Variants in STOX2 observed in about 807,000 individuals in gnomAD.
STOX2 encodes storkhead-box protein 2.
A neutral mutation model predicts 60.9 loss-of-function variants in STOX2; 28 were observed. The observed-to-expected ratio is 0.46, with a 90% CI of 0.34 to 0.63. The LOEUF (loss-of-function observed/expected upper bound fraction) is 0.63. Among genes scored for constraint, STOX2 ranks in the 30% least tolerant of loss-of-function variants. The pLI is 0.01. For synonymous variants in STOX2, 472 were observed against 463.9 expected (o/e 1.02, Z -0.22); for missense variants, 1,024 against 1,187.7 (o/e 0.86, Z 2.03).
In STOX2 at chr4:184,009,135, G is replaced by GTTT. The variant is rs780395991; in HGVS notation, c.320-23_320-22insTTT. On this transcript the variant is annotated intron_variant, in intron 2 of 3. Coordinates refer to ENST00000308497, the MANE Select transcript of STOX2 (RefSeq NM_020225.3). This position sits in a 1 kb window ranked among gnomAD's most constrained non-coding sequence, Gnocchi z 4.0. ...ATGTTCTGTCTTCATTCTCACAAGT[G>GTTT]GTTTTTTTTTTTTTTTTTTCAGGTG... 19 of 1,001,196 alleles carry GTTT rather than the reference G, an allele frequency of 1.9e-5. No individual in the cohort carries two copies. The highest frequency in any genetic ancestry group is 1.8e-4 in the Admixed American group (6 of 32,710). The allele number at this position is 1,001,196 out of a possible 1,614,324, so 62.0% of individuals were successfully genotyped here. A position where few individuals can be genotyped will look rare whatever the true frequency, so the allele number is the denominator to read the frequency against.
chr4:183,839,780 G>A lies in STOX2; in HGVS notation c.364+41725G>A, dbSNP rs1465728055. ...ATGTGAGTTGTTTTGGTTCCCATAA[G>A]TTACATATGGTGATGTGGCACCTAA... On this transcript the variant is annotated intron_variant, in intron 1 of 2. Coordinates refer to the STOX2 transcript ENST00000513034. Among the ~76,000 whole-genome samples, 3 of 152,280 alleles carry A rather than the reference G, an allele frequency of 2.0e-5. No homozygotes were observed. The East Asian group carries it at 5.8e-4, about 29-fold the overall frequency.
chr4:183,811,976 G>A (rs1315145116), intron 1 of STOX2, among the ~76,000 whole-genome samples: 1 of 143,248 alleles, frequency 7.0e-6, no homozygotes, highest in African/African-American at 2.6e-5. Flanking sequence ...CTCTCACCCA[G>A]GCTAGGGTGC....
At chr4:183,917,064 G>C (rs1035626776) in intron 1 of STOX2, among the ~76,000 whole-genome samples, 2 of 152,250 alleles carry the variant, frequency 1.3e-5, no homozygotes, top group Non-Finnish European at 2.9e-5. Flanking sequence ...CGGGTCTGAC[G>C]TGGCTTTGTA....
intron 1 of STOX2, among the ~76,000 whole-genome samples, chr4:183,908,564 A>T (rs1194404729): frequency 6.8e-6 from 1 of 146,468 alleles, no homozygotes; most frequent in East Asian, 2.0e-4. Flanking sequence ...ACTCTGTTTC[A>T]TGATTCAGGC....
intron 1 of STOX2, among the ~76,000 whole-genome samples, chr4:183,807,480 G>T (rs1263054922): frequency 6.6e-6 from 1 of 151,924 alleles, no homozygotes; most frequent in Admixed American, 6.5e-5. Context: ...GAGCCTGCCC[G>T]AGCCGCCAGG....
At chr4:183,835,923 CCTT>C (rs1739697409) in intron 1 of STOX2, among the ~76,000 whole-genome samples, 1 of 152,328 alleles carries the variant, frequency 6.6e-6, no homozygotes, top group Middle Eastern at 3.4e-3. Flanking sequence ...CCATGTTTAA[CCTT>C]CTGAAGGACT....
Position 184,001,657 on chromosome 4 carries a change from T to A in STOX2, c.319+180T>A, listed in dbSNP as rs1733597852. Among the ~76,000 whole-genome samples the A allele has an allele frequency of 6.6e-6, 1 of 152,076 alleles. No individual in the cohort carries two copies. The highest frequency in any genetic ancestry group is 1.5e-5 in the Non-Finnish European group (1 of 68,006). ...CAGGCACCTGCATGACATCAAAAAATAACTTAACTGCTTCAGCTGTAATAC... is the reference window on the plus strand; with the variant it reads ...CAGGCACCTGCATGACATCAAAAAAAAACTTAACTGCTTCAGCTGTAATAC... On this transcript the variant is annotated intron_variant, in intron 2 of 3. Transcript: ENST00000308497. This position sits in a 1 kb window ranked among gnomAD's most constrained non-coding sequence, Gnocchi z 4.2.
chr4:183,909,842 G>A (rs920531026), intron 1 of STOX2, among the ~76,000 whole-genome samples: 1 of 152,206 alleles, frequency 6.6e-6, no homozygotes, highest in African/African-American at 2.4e-5. Flanking sequence ...ATAGCAATAG[G>A]CTTGACATTT....
rs369737237 is a variant in STOX2, at chr4:183,933,533, C to T, written c.166+26577C>T. Reference sequence around the variant, plus strand: ...CCTCCTGAGTAGCTGGGATTACAGGCGCCCGCCACCATGCCAGGCTAACTT... The same window carrying T: ...CCTCCTGAGTAGCTGGGATTACAGGTGCCCGCCACCATGCCAGGCTAACTT... On this transcript the variant is annotated intron_variant, in intron 1 of 3. Coordinates refer to ENST00000308497, the MANE Select transcript of STOX2 (RefSeq NM_020225.3). Among the ~76,000 whole-genome samples the T allele has an allele frequency of 7.5e-4, 114 of 152,162 alleles. No homozygotes were observed. In the East Asian group the frequency reaches 8.9e-3, roughly 12 times the overall value.
chr4:183,862,981 C>G (rs1369520954), intron 1 of STOX2, among the ~76,000 whole-genome samples: 2 of 152,162 alleles, frequency 1.3e-5, no homozygotes, highest in African/African-American at 4.8e-5. Flanking sequence ...TTTTACCACA[C>G]CAGGGAGCCC....
chr4:183,898,456 G>A (rs1329578506), intron 1 of STOX2, among the ~76,000 whole-genome samples: 1 of 152,194 alleles, frequency 6.6e-6, no homozygotes, highest in African/African-American at 2.4e-5. Context: ...TGTCCATGGA[G>A]CATTCAGAAA....
chr4:183,820,809 T>A (rs891397717), intron 1 of STOX2, among the ~76,000 whole-genome samples: 2 of 152,010 alleles, frequency 1.3e-5, no homozygotes, highest in African/African-American at 4.8e-5. Context: ...AAAAAAAGAA[T>A]GAAGCTAAGG....
chr4:183,973,305 A>G (rs771051213), intron 1 of STOX2, among the ~76,000 whole-genome samples: 3 of 152,222 alleles, frequency 2.0e-5, no homozygotes, highest in Non-Finnish European at 4.4e-5. Flanking sequence ...AGAGAGAAAA[A>G]TATTGAAAGC....
intron 1 of STOX2, among the ~76,000 whole-genome samples, chr4:183,909,330 A>C (rs938361837): frequency 6.6e-6 from 1 of 152,264 alleles, no homozygotes; most frequent in African/African-American, 2.4e-5. Flanking sequence ...GTGACTTTGG[A>C]TACAAACAGA....
In STOX2 at chr4:184,020,755, A is replaced by G. The variant is rs1478402672; in HGVS notation, c.*3471A>G. The G allele has an allele frequency of 6.6e-6, 1 of 152,204 alleles. No individual in the cohort carries two copies. Among genetic ancestry groups the G allele is most frequent in the Non-Finnish European group, 1.5e-5 (1 of 68,040 alleles). 9.4% of individuals were successfully genotyped at this position (152,204 alleles called of 1,614,324 possible). ...GGAGACTAGCTGGATAAAAATAACA[A>G]ATTACTTCTTCTCTGATGTTGTGAA... On this transcript the variant is annotated 3_prime_UTR_variant, in exon 4 of 4. Transcript: ENST00000308497.
intron 1 of STOX2, among the ~76,000 whole-genome samples, chr4:183,860,109 ACCTAT>A (rs1740397003): frequency 6.6e-6 from 1 of 151,474 alleles, no homozygotes; most frequent in African/African-American, 2.4e-5. Flanking sequence ...ACCGATGTCT[ACCTAT>A]TTAGGATGTA....
intron 1 of STOX2, among the ~76,000 whole-genome samples, chr4:183,911,592 ACATT>A (rs1468354911): frequency 5.3e-5 from 8 of 152,300 alleles, no homozygotes; most frequent in African/African-American, 1.7e-4. Context: ...AATATCTTTT[ACATT>A]CTTTCTAATG....
intron 1 of STOX2, among the ~76,000 whole-genome samples, chr4:183,910,307 TC>T (rs1343914999): frequency 6.6e-6 from 1 of 152,142 alleles, no homozygotes; most frequent in Admixed American, 6.5e-5. Flanking sequence ...AAAGCAAAAC[TC>T]CCCACAAAGG....
rs183378840 is a variant in STOX2, at chr4:183,906,802, C to T, written c.12C>T (p.Thr4=). 607 of 1,547,592 alleles carry T rather than the reference C, an allele frequency of 3.9e-4. 2 individuals are homozygous for T. The African/African-American group carries it at 7.6e-3, about 19-fold the overall frequency. ...TCGCCCTCCCCACCATGAAGAAGAC[C>T]CGGAGCACAACCTTGCGGCGAGCCT... MKK[T]RSTTLRRAWP... Residue 4 remains threonine (T), a synonymous_variant, in exon 1 of 4, where the codon ACC becomes ACT. Coordinates refer to ENST00000308497, the MANE Select transcript of STOX2 (RefSeq NM_020225.3).
Sources: gnomAD v4.1 joint callset for allele counts (sites outside exome capture counted in the v4.1 genomes callset) on GRCh38, gnomAD v4.1.1 for gene constraint, Gnocchi (gnomAD v3.1) non-coding constraint, MANE v1.5 for transcripts, NCBI Gene and HGNC (gene_info 2026-07-23, HGNC 2026-07-21) for gene names.